The following OTOP2 variants were observed in gnomAD, a reference collection of about 807,000 sequenced individuals.
OTOP2 encodes proton channel OTOP2.
Under a neutral mutation model 47.4 loss-of-function variants are expected in OTOP2, and 41 were observed. That is an observed-to-expected ratio of 0.87 (90% CI 0.67 to 1.12). OTOP2 has a LOEUF of 1.12. OTOP2 is among the 50% of genes most tolerant of loss of function. OTOP2 has a pLI of 0.00. For synonymous variants in OTOP2, 328 were observed against 319.6 expected, an observed-to-expected ratio of 1.03 and a Z score of -0.28; for missense variants, 721 against 752.2, an observed-to-expected ratio of 0.96 and a Z score of 0.49.
At chr17:74,932,275 G>A (rs1278197976) in intron 6 of OTOP2, among the ~76,000 whole-genome samples, 1 of 152,084 alleles carries the variant, frequency 6.6e-6, no homozygotes, top group East Asian at 1.9e-4. Flanking sequence ...CTTAATGTGG[G>A]TATATCCCAG....
chr17:74,925,785 C>G, intron 3 of OTOP2, 93 bp downstream of exon 3: 2 of 1,543,288 alleles, frequency 1.3e-6, no homozygotes, highest in Non-Finnish European at 1.8e-6. Context: ...GAGCTCCATC[C>G]GCCTCGTATC....
chr17:74,932,842 G>A (rs912877138), intron 6 of OTOP2, among the ~76,000 whole-genome samples: 3 of 152,198 alleles, frequency 2.0e-5, no homozygotes, highest in African/African-American at 7.2e-5. Flanking sequence ...AGCCAGAGAG[G>A]AAGCAGGATT....
At chr17:74,925,172 G>T (rs780126788) in intron 2 of OTOP2, among the ~76,000 whole-genome samples, 1 of 152,122 alleles carries the variant, frequency 6.6e-6, no homozygotes, top group Admixed American at 6.5e-5. Context: ...CTTTGCCCCC[G>T]GTCTGAAGAT....
chr17:74,929,411 TG>T (rs1433119295), intron 5 of OTOP2, among the ~76,000 whole-genome samples: 1 of 151,646 alleles, frequency 6.6e-6, no homozygotes, highest in African/African-American at 2.4e-5. Context: ...CAAACTGTTT[TG>T]TTTTTTTGTT....
Position 74,930,404 on chromosome 17 carries a change from AT to A in OTOP2, c.770del (p.Met257SerfsTer58). ...NIEYSLFAST[M>X]LYVMWKNVGR... ...CGAGTACAGCCTCTTCGCCTCCACCATGCTGTATGTCATGTGGAAGAATGTG... is the reference window on the plus strand; with the variant it reads ...CGAGTACAGCCTCTTCGCCTCCACCAGCTGTATGTCATGTGGAAGAATGTG... On this transcript the variant is annotated frameshift_variant, in exon 6 of 7. Transcript: ENST00000331427. LOFTEE classifies it high-confidence loss of function. The surrounding 1 kb of genome is among the most constrained non-coding windows in gnomAD (Gnocchi z 4.0). 6.2e-7 allele frequency: 1 copy of A among 1,614,000 alleles called. No individual in the cohort carries two copies. Among genetic ancestry groups the A allele is most frequent in the South Asian group, 1.1e-5 (1 of 91,078 alleles).
In OTOP2 at chr17:74,930,901, C is replaced by T. The variant is rs142921758; in HGVS notation, c.1266C>T (p.Ile422=). ...AQHTFQNMFI[I]ESLHRGPPGA... ...ACACCTTCCAGAACATGTTTATCAT[C>T]GAGAGCCTTCACCGAGGACCGCCCG... is the stretch of plus-strand genomic sequence containing the variant. The change falls in exon 6 of 7, where the codon ATC becomes ATT. Residue 422 remains isoleucine (I), a synonymous_variant. Coordinates refer to ENST00000331427, the MANE Select transcript of OTOP2 (RefSeq NM_178160.3). This position sits in a 1 kb window ranked among gnomAD's most constrained non-coding sequence, Gnocchi z 4.0. The T allele has an allele frequency of 3.8e-5, 62 of 1,613,936 alleles. No homozygotes were observed. Among genetic ancestry groups the T allele is most frequent in the Admixed American group, 2.0e-4 (12 of 59,992 alleles).
rs149097332 is a variant in OTOP2, at chr17:74,931,027, C to T, written c.1392C>T (p.Pro464=). The T allele has an allele frequency of 9.9e-5, 160 of 1,614,162 alleles. No homozygotes were observed. In the East Asian group the frequency reaches 1.1e-3, roughly 11 times the overall value. ...LHTLSACPPN[P]GLVSPSPSDQ... ...CGTTGTCCGCCTGCCCACCCAACCC[C>T]GGGCTGGTTAGCCCCAGCCCTTCAG... The change falls in exon 6 of 7, where the codon CCC becomes CCT. Residue 464 remains proline, a synonymous_variant. Coordinates refer to ENST00000331427, the MANE Select transcript of OTOP2 (RefSeq NM_178160.3).
chr17:74,925,108 G>A (rs796175661), intron 2 of OTOP2, among the ~76,000 whole-genome samples, 163 bp downstream of exon 2: 1 of 152,150 alleles, frequency 6.6e-6, no homozygotes, highest in Non-Finnish European at 1.5e-5. Context: ...TAGGGAAAAA[G>A]AGGAAGGTAA....
intron 3 of OTOP2, among the ~76,000 whole-genome samples, chr17:74,926,665 C>T (rs1392880000): frequency 1.3e-5 from 2 of 152,008 alleles, no homozygotes; most frequent in African/African-American, 4.8e-5. Flanking sequence ...TTTTGCAAAC[C>T]TTTAAAGAAT....
At chr17:74,925,097 T>G in intron 2 of OTOP2, 152 bp downstream of exon 2, 2 of 1,034,032 alleles carry the variant, frequency 1.9e-6, no homozygotes, top group Non-Finnish European at 1.4e-6. Context: ...TGGGCTGCAG[T>G]TAGGGAAAAA....
At chr17:74,931,972 A>AAGC (rs1555628965) in intron 6 of OTOP2, among the ~76,000 whole-genome samples, 6 of 151,572 alleles carry the variant, frequency 4.0e-5, no homozygotes, top group Non-Finnish European at 8.8e-5. Context: ...AAAAAAAAAA[A>AAGC]AAGCAATAGA....
At chr17:74,926,117 C>A (rs927900039) in intron 3 of OTOP2, among the ~76,000 whole-genome samples, 1 of 152,184 alleles carries the variant, frequency 6.6e-6, no homozygotes, top group Non-Finnish European at 1.5e-5. Flanking sequence ...ATTTCTCAAA[C>A]ATTCACTTTG....
chr17:74,924,397 G>A lies in OTOP2; in HGVS notation c.-34+64G>A. The A allele has an allele frequency of 1.9e-6, 1 of 534,702 alleles. No homozygotes were observed. Among genetic ancestry groups the A allele is most frequent in the Admixed American group, 3.7e-5 (1 of 27,314 alleles). The allele number at this position is 534,702 out of a possible 1,614,324, so 33.1% of individuals were successfully genotyped here. A position where few individuals can be genotyped will look rare whatever the true frequency, so the allele number is the denominator to read the frequency against. On this transcript the variant is annotated intron_variant, in intron 1 of 6. Transcript: ENST00000331427. This position sits in a 1 kb window ranked among gnomAD's most constrained non-coding sequence, Gnocchi z 7.7. ...GTGGGGACCTTGGAGGGGTCCAACCGGGTGCTGCCGCTTCTCCTTTCTTCC... is the reference window on the plus strand; with the variant it reads ...GTGGGGACCTTGGAGGGGTCCAACCAGGTGCTGCCGCTTCTCCTTTCTTCC...
In OTOP2 at chr17:74,930,224, G is replaced by C; in HGVS notation, c.644-55G>C. 1.4e-5 allele frequency: 21 copies of C among 1,549,910 alleles called. No homozygotes were observed. Among genetic ancestry groups the C allele is most frequent in the Non-Finnish European group, 1.8e-5 (21 of 1,146,142 alleles). ...AAAAAAGGTCACAGGCTAGGGGTGA[G>C]ACCTCTCTAGGAAGGCAGGAGGGCT... On this transcript the variant is annotated intron_variant, in intron 5 of 6. Coordinates refer to ENST00000331427, the MANE Select transcript of OTOP2 (RefSeq NM_178160.3). The surrounding 1 kb of genome is among the most constrained non-coding windows in gnomAD (Gnocchi z 4.0).
rs2039014361 is a variant in OTOP2 at position 74,927,112 on chromosome 17, C to CT, written c.451-110dup. 1.5e-5 allele frequency: 15 copies of CT among 1,004,866 alleles called. 1 individual carries two copies. The East Asian group carries it at 3.6e-4, about 24-fold the overall frequency. The allele number at this position is 1,004,866 out of a possible 1,614,324, so 62.2% of individuals were successfully genotyped here. A position where few individuals can be genotyped will look rare whatever the true frequency, so the allele number is the denominator to read the frequency against. ...TGTGAAGCTAAAATGAACCTGATAACTCAGTGTAAGGGTTCCTCAGGCGGA... is the reference window on the plus strand; with the variant it reads ...TGTGAAGCTAAAATGAACCTGATAACTTCAGTGTAAGGGTTCCTCAGGCGGA... On this transcript the variant is annotated intron_variant, in intron 3 of 6. Coordinates refer to ENST00000331427, the MANE Select transcript of OTOP2 (RefSeq NM_178160.3).
At position 74,930,269 on chromosome 17, in the gene OTOP2, T is replaced by A. The variant is rs1463342946; in HGVS notation, c.644-10T>A. 3 of 1,607,614 alleles carry A rather than the reference T, an allele frequency of 1.9e-6. No homozygotes were observed. Among genetic ancestry groups the A allele is most frequent in the Admixed American group, 3.3e-5 (2 of 59,904 alleles). On this transcript the variant is annotated splice_polypyrimidine_tract_variant and intron_variant, in intron 5 of 6. Coordinates refer to ENST00000331427, the MANE Select transcript of OTOP2 (RefSeq NM_178160.3). This position sits in a 1 kb window ranked among gnomAD's most constrained non-coding sequence, Gnocchi z 4.0. ...AGGGCTGTCCAGCCCTGTGTCTCTC[T>A]CCACAACAGAGCATGCAGACAACCC...
At chr17:74,925,818 G>A in intron 3 of OTOP2, 126 bp downstream of exon 3, 2 of 1,387,912 alleles carry the variant, frequency 1.4e-6, no homozygotes, top group Admixed American at 2.1e-5. Context: ...GTAAACCAGG[G>A]ACAGGGCTGT....
chr17:74,932,457 C>A (rs1470206789), intron 6 of OTOP2, among the ~76,000 whole-genome samples: 1 of 152,160 alleles, frequency 6.6e-6, no homozygotes, highest in Non-Finnish European at 1.5e-5. Context: ...CCTTCCAACA[C>A]AATCAATTTC....
intron 2 of OTOP2, 84 bp from the exon 3 acceptor site, chr17:74,925,472 C>T: frequency 6.4e-7 from 1 of 1,556,668 alleles, no homozygotes; most frequent in East Asian, 2.2e-5. Flanking sequence ...AGCCTCCCAT[C>T]CTCAGGGCCT....
Sources: gnomAD v4.1 joint callset for allele counts (sites outside exome capture counted in the v4.1 genomes callset) on GRCh38, gnomAD v4.1.1 for gene constraint, Gnocchi (gnomAD v3.1) non-coding constraint, MANE v1.5 for transcripts, NCBI Gene and HGNC (gene_info 2026-07-23, HGNC 2026-07-21) for gene names.